Variants in ABL2 observed in about 807,000 individuals in gnomAD.
ABL2 encodes the protein tyrosine-protein kinase ABL2.
In ABL2, 49 loss-of-function variants were observed where a neutral mutation model predicts 107.7. That is an observed-to-expected ratio of 0.45 (90% CI 0.36 to 0.58). The LOEUF (loss-of-function observed/expected upper bound fraction) is 0.58. ABL2 is among the 20% of genes least tolerant of loss of function. ABL2 has a pLI of 0.00. For synonymous variants in ABL2, 549 were observed against 548.6 expected (o/e 1.00, Z -0.01); for missense variants, 1,245 against 1,457.0 (o/e 0.85, Z 2.37).
At chr1:179,189,476 G>C (rs1458031203) in intron 1 of ABL2, among the ~76,000 whole-genome samples, 2 of 152,058 alleles carry the variant, frequency 1.3e-5, no homozygotes, top group African/African-American at 4.8e-5. Context: ...GAATTTCTCA[G>C]AGAACAAGTT....
At chr1:179,197,071 C>T (rs930209227) in intron 1 of ABL2, among the ~76,000 whole-genome samples, 4 of 151,814 alleles carry the variant, frequency 2.6e-5, no homozygotes, top group Non-Finnish European at 5.9e-5. Flanking sequence ...AATAGAATGT[C>T]CAACATATCT....
intron 1 of ABL2, among the ~76,000 whole-genome samples, chr1:179,136,316 TGTGTA>T (rs1397444528): frequency 7.2e-5 from 11 of 151,782 alleles, no homozygotes; most frequent in African/African-American, 1.2e-4. Context: ...TTGCCGTGTC[TGTGTA>T]GAAAGAGGTA....
chr1:179,210,314 T>G (rs1662194764), intron 1 of ABL2, among the ~76,000 whole-genome samples: 1 of 151,964 alleles, frequency 6.6e-6, no homozygotes, highest in Non-Finnish European at 1.5e-5. Flanking sequence ...GAGACCATCC[T>G]GGCTAACACA....
chr1:179,173,221 C>A (rs538825647), intron 1 of ABL2, among the ~76,000 whole-genome samples: 63 of 150,242 alleles, frequency 4.2e-4, no homozygotes, highest in Non-Finnish European at 1.3e-4. Flanking sequence ...AGAAAAAAAA[C>A]GTAAGTTAAC....
intron 1 of ABL2, among the ~76,000 whole-genome samples, chr1:179,208,557 C>A (rs141961680): frequency 9.2e-5 from 14 of 152,064 alleles, no homozygotes; most frequent in Non-Finnish European, 1.8e-4. Context: ...TTGGGAAGAC[C>A]GGAATATCAA....
At chr1:179,211,921 C>T (rs989955041) in intron 1 of ABL2, among the ~76,000 whole-genome samples, 1 of 152,206 alleles carries the variant, frequency 6.6e-6, no homozygotes, top group Admixed American at 6.5e-5. Flanking sequence ...TCTGAGTGTA[C>T]AATGAGGAAA....
intron 1 of ABL2, among the ~76,000 whole-genome samples, chr1:179,195,982 T>C (rs1028249498): frequency 6.6e-6 from 1 of 152,172 alleles, no homozygotes; most frequent in African/African-American, 2.4e-5. Context: ...GGTTATATGG[T>C]AGTGATGGAT....
intron 1 of ABL2, among the ~76,000 whole-genome samples, chr1:179,199,804 C>G (rs1205938019): frequency 6.9e-6 from 1 of 145,380 alleles, no homozygotes; most frequent in Admixed American, 7.1e-5. Context: ...ATAATCATGG[C>G]TCACTGCAGC....
chr1:179,220,468 C>T (rs751361394), intron 1 of ABL2, among the ~76,000 whole-genome samples: 1 of 152,142 alleles, frequency 6.6e-6, no homozygotes, highest in African/African-American at 2.4e-5. Flanking sequence ...GGGTATGTGC[C>T]GCACAGGACA....
chr1:179,183,737 A>C (rs888802382), intron 1 of ABL2: 1 of 152,472 alleles, frequency 6.6e-6, no homozygotes, highest in African/African-American at 2.4e-5. Context: ...TGTAAAATTA[A>C]GGAGCAGGGG....
At chr1:179,190,831 T>C (rs564783728) in intron 1 of ABL2, among the ~76,000 whole-genome samples, 1 of 152,302 alleles carries the variant, frequency 6.6e-6, no homozygotes, top group Non-Finnish European at 1.5e-5. Context: ...CAAATATACA[T>C]TTCACAATAT....
chr1:179,165,249 C>T (rs1659310179), intron 1 of ABL2, among the ~76,000 whole-genome samples: 1 of 152,078 alleles, frequency 6.6e-6, no homozygotes, highest in Admixed American at 6.6e-5. Context: ...TAACAGGAAC[C>T]AGGTATATAC....
chr1:179,142,406 G>A (rs1164706404), intron 1 of ABL2, among the ~76,000 whole-genome samples: 1 of 152,044 alleles, frequency 6.6e-6, no homozygotes, highest in Admixed American at 6.6e-5. Context: ...AACTGAAATT[G>A]AGAAAATTCC....
At chr1:179,137,354 T>C (rs1657129046) in intron 1 of ABL2, among the ~76,000 whole-genome samples, 1 of 151,930 alleles carries the variant, frequency 6.6e-6, no homozygotes. Flanking sequence ...ATGAAAAAAA[T>C]GCCAAAAAAA....
intron 1 of ABL2, among the ~76,000 whole-genome samples, chr1:179,168,859 G>A (rs1659545919): frequency 6.6e-6 from 1 of 152,108 alleles, no homozygotes; most frequent in South Asian, 2.1e-4. Context: ...AATTTCTAAG[G>A]CTTTAAATTT....
chr1:179,131,278 G>A, intron 3 of ABL2, 33 bp downstream of exon 3: 6 of 1,598,138 alleles, frequency 3.8e-6, no homozygotes, highest in Non-Finnish European at 5.1e-6. Context: ...AATGAAAACT[G>A]AAAAGTGAAA....
rs1240083930 is a variant in ABL2, at chr1:179,104,137, G to C, written c.*3581C>G. On this transcript the variant is annotated 3_prime_UTR_variant, in exon 12 of 12. Coordinates refer to ENST00000502732, the MANE Select transcript of ABL2 (RefSeq NM_007314.4). ...ATAGTAGTAGTAGAACATTTATAGA[G>C]TGTGCTCATTGTGTGCCAGGCACTT... 1.3e-5 allele frequency: 3 copies of C among 231,956 alleles called. No individual in the cohort carries two copies. The highest frequency in any genetic ancestry group is 1.8e-4 in the South Asian group (1 of 5,520). 14.4% of individuals were successfully genotyped at this position (231,956 alleles called of 1,614,324 possible). A position where few individuals can be genotyped will look rare whatever the true frequency, so the allele number is the denominator to read the frequency against.
intron 3 of ABL2, among the ~76,000 whole-genome samples, chr1:179,129,746 TC>T (rs1656103033): frequency 6.6e-6 from 1 of 151,988 alleles, no homozygotes; most frequent in Admixed American, 6.6e-5. Context: ...CGTAAAATGT[TC>T]CTACAACTGC....
chr1:179,170,085 A>G (rs886344199), intron 1 of ABL2, among the ~76,000 whole-genome samples: 1 of 152,124 alleles, frequency 6.6e-6, no homozygotes, highest in Non-Finnish European at 1.5e-5. Flanking sequence ...AGTTCTAGAG[A>G]CTAGGAGTCC....
Sources: allele counts gnomAD v4.1 joint callset (sites outside exome capture counted in the v4.1 genomes callset), GRCh38; gene constraint gnomAD v4.1.1; transcripts MANE v1.5; gene names NCBI Gene and HGNC (gene_info 2026-07-23, HGNC 2026-07-21).